CNOT10: variants seen among roughly 807,000 people sequenced by gnomAD.
CNOT10 encodes CCR4-NOT transcription complex subunit 10.
Under a neutral mutation model 94.6 loss-of-function variants are expected in CNOT10, and 30 were observed. The observed-to-expected ratio is 0.32, with a 90% CI of 0.24 to 0.43. CNOT10 has a LOEUF of 0.43. CNOT10 is among the 20% of genes least tolerant of loss of function. CNOT10 has a pLI of 1.00. For missense variants in CNOT10, 759 were observed against 877.2 expected (o/e 0.87, Z 1.70); for synonymous variants, 289 against 301.6 (o/e 0.96, Z 0.43).
intron 8 of CNOT10, among the ~76,000 whole-genome samples, chr3:32,724,390 C>T (rs1698564652): frequency 1.3e-5 from 2 of 150,636 alleles, no homozygotes; most frequent in South Asian, 4.2e-4. Flanking sequence ...GGATTACAGG[C>T]GCCCTCCACT....
intron 8 of CNOT10, among the ~76,000 whole-genome samples, chr3:32,724,073 C>G (rs1008254205): frequency 2.6e-5 from 4 of 151,990 alleles, no homozygotes; most frequent in South Asian, 2.1e-4. Flanking sequence ...GAATGAGACC[C>G]TGTCTCAGAG....
chr3:32,689,523 A>T (rs1344916001), intron 1 of CNOT10, among the ~76,000 whole-genome samples: 2 of 152,200 alleles, frequency 1.3e-5, no homozygotes, highest in Non-Finnish European at 2.9e-5. Flanking sequence ...AGCAACAAAT[A>T]TGCAAATGTA....
In CNOT10 at chr3:32,717,211, A is replaced by G. The variant is rs1698162798; in HGVS notation, c.718A>G (p.Lys240Glu). 6.2e-7 allele frequency: 1 copy of G among 1,609,188 alleles called. No homozygotes were observed. The highest frequency in any genetic ancestry group is 1.3e-5 in the African/African-American group (1 of 74,736). ...KSLKACKREIKSVMNTAGNSA... is the reference protein window; with the variant it reads ...KSLKACKREIESVMNTAGNSA... Reference sequence around the variant, plus strand: ...TCTGAAAGCATGTAAAAGGGAAATCAAGTCAGTCATGAATACAGCTGGAAA... The same window carrying G: ...TCTGAAAGCATGTAAAAGGGAAATCGAGTCAGTCATGAATACAGCTGGAAA... The change falls in exon 7 of 19, where the codon AAG becomes GAG. Residue 240 changes from lysine (K) to glutamate (E), a missense_variant. Lys to Glu is a moderately conservative substitution (Grantham distance 56). This residue lies in a region of CNOT10 where 682 missense variants were observed against 799.4 expected (regional missense o/e 0.85). Coordinates refer to ENST00000328834, the MANE Select transcript of CNOT10 (RefSeq NM_015442.3).
chr3:32,752,359 A>G (rs1700001197), intron 13 of CNOT10, among the ~76,000 whole-genome samples: 1 of 152,138 alleles, frequency 6.6e-6, no homozygotes, highest in South Asian at 2.1e-4. Flanking sequence ...ATGTGGATAA[A>G]TCATTTAACC....
At chr3:32,767,519 CA>C (rs10687739) in intron 17 of CNOT10, among the ~76,000 whole-genome samples, 16 of 105,582 alleles carry the variant, frequency 1.5e-4, no homozygotes, top group Admixed American at 2.3e-4. Flanking sequence ...AACTCTGTCT[CA>C]AAAAAAAAAA....
intron 1 of CNOT10, among the ~76,000 whole-genome samples, chr3:32,688,318 GC>G (rs1696713952): frequency 6.6e-6 from 1 of 152,172 alleles, no homozygotes; most frequent in Non-Finnish European, 1.5e-5. Context: ...TCTGAAGAAG[GC>G]CAAGTGCAGT....
intron 14 of CNOT10, among the ~76,000 whole-genome samples, chr3:32,760,568 G>A (rs1363137086): frequency 6.6e-6 from 1 of 152,120 alleles, no homozygotes; most frequent in Non-Finnish European, 1.5e-5. Flanking sequence ...GGGGGCGGAC[G>A]TTGCGGTGAG....
At chr3:32,706,219 A>G (rs969538343) in intron 3 of CNOT10, among the ~76,000 whole-genome samples, 1 of 152,204 alleles carries the variant, frequency 6.6e-6, no homozygotes. Flanking sequence ...TTCCAGAATC[A>G]AAAGAAAGAT....
intron 1 of CNOT10, among the ~76,000 whole-genome samples, chr3:32,691,354 G>T (rs1696841853): frequency 6.6e-6 from 1 of 151,868 alleles, no homozygotes; most frequent in South Asian, 2.1e-4. Context: ...GTAGAGACGG[G>T]GTTTCACTGT....
chr3:32,737,608 A>G, intron 13 of CNOT10, 118 bp downstream of exon 13: 1 of 584,630 alleles, frequency 1.7e-6, no homozygotes, highest in East Asian at 3.3e-5. Flanking sequence ...GTGGATCACT[A>G]GGTCAGGAGT....
Position 32,725,612 on chromosome 3 carries a change from C to T in CNOT10, c.1012+13C>T, listed in dbSNP as rs1463063229. 4 of 1,590,520 alleles carry T rather than the reference C, an allele frequency of 2.5e-6. No individual in the cohort carries two copies. The highest frequency in any genetic ancestry group is 1.2e-5 in the South Asian group (1 of 86,718). ...AGCACTGATCCAGGTAAGCCCAGTA[C>T]TGGGGGACAGTTTGTATTTACTACT... On this transcript the variant is annotated intron_variant, in intron 9 of 18. Transcript: ENST00000328834.
At chr3:32,763,016 T>C in intron 15 of CNOT10, 153 bp downstream of exon 15, 2 of 699,818 alleles carry the variant, frequency 2.9e-6, no homozygotes, top group Non-Finnish European at 4.3e-6. Flanking sequence ...TTGTAGCAGT[T>C]GTTTGCTAAG....
chr3:32,759,190 C>T (rs1227706719), intron 13 of CNOT10, among the ~76,000 whole-genome samples: 1 of 151,752 alleles, frequency 6.6e-6, no homozygotes, highest in African/African-American at 2.4e-5. Flanking sequence ...TACATACATA[C>T]AGGCTATGTA....
chr3:32,734,900 A>C lies in CNOT10; in HGVS notation c.1438A>C (p.Lys480Gln), dbSNP rs1178527748. The change falls in exon 12 of 19, where the codon AAG (lysine) becomes CAG (glutamine). Residue 480 changes from lysine (K) to glutamine (Q), a missense_variant. By Grantham distance (53) the Lys-to-Gln change is moderately conservative. This residue lies in a region of CNOT10 where 682 missense variants were observed against 799.4 expected (regional missense o/e 0.85). Transcript: ENST00000328834. ...GCTACCTGAAGAACAGCAAGATCCA[A>C]AGCAGGAAAATGGGGCTAAAAATAG... is the stretch of plus-strand genomic sequence containing the variant. ...LLLPEEQQDPKQENGAKNSNQ... is the reference protein window; with the variant it reads ...LLLPEEQQDPQQENGAKNSNQ... The C allele has an allele frequency of 7.4e-6, 12 of 1,614,052 alleles. No homozygotes were observed. The highest frequency in any genetic ancestry group is 1.0e-5 in the Non-Finnish European group (12 of 1,180,022).
intron 9 of CNOT10, among the ~76,000 whole-genome samples, chr3:32,726,981 G>A (rs1183662987): frequency 6.6e-6 from 1 of 151,372 alleles, no homozygotes; most frequent in Non-Finnish European, 1.5e-5. Context: ...CGAGTAGCTG[G>A]GACTACAGGC....
At chr3:32,703,078 A>ATTTTTTT (rs67920905) in intron 1 of CNOT10, among the ~76,000 whole-genome samples, 18 of 124,250 alleles carry the variant, frequency 1.4e-4, no homozygotes, top group Non-Finnish European at 1.6e-4. Flanking sequence ...CGCCAAGCTA[A>ATTTTTTT]TTTTTTTTTT....
intron 13 of CNOT10, chr3:32,753,627 G>A: frequency 1.3e-6 from 2 of 1,566,030 alleles, no homozygotes; most frequent in Non-Finnish European, 1.8e-6. Flanking sequence ...CAGGTGTAAA[G>A]CACCTACATC....
intron 1 of CNOT10, among the ~76,000 whole-genome samples, 199 bp downstream of exon 1, chr3:32,685,681 G>A (rs901621735): frequency 6.6e-6 from 1 of 152,162 alleles, no homozygotes; most frequent in Non-Finnish European, 1.5e-5. Context: ...TTTTACTCAA[G>A]TGCAGTATTT....
At chr3:32,728,449 C>T (rs1249433092) in intron 10 of CNOT10, among the ~76,000 whole-genome samples, 2 of 151,314 alleles carry the variant, frequency 1.3e-5, no homozygotes, top group East Asian at 4.0e-4. Context: ...AGTGAGACCT[C>T]CATCTCTACA....
Sources: gnomAD v4.1 joint callset for allele counts (sites outside exome capture counted in the v4.1 genomes callset) on GRCh38, gnomAD v4.1.1 for gene constraint, gnomAD v4.1.1 regional missense constraint, MANE v1.5 for transcripts, NCBI Gene and HGNC (gene_info 2026-07-23, HGNC 2026-07-21) for gene names.